COL4A2: variants seen among roughly 807,000 people sequenced by gnomAD.
The protein encoded by COL4A2 is collagen alpha-2(IV) chain.
In COL4A2, 99 loss-of-function variants were observed where a neutral mutation model predicts 200.2. The observed-to-expected ratio is 0.49, with a 90% CI of 0.42 to 0.58. The LOEUF (loss-of-function observed/expected upper bound fraction) is 0.58. COL4A2 is among the 20% of genes least tolerant of loss of function. The probability of loss-of-function intolerance (pLI) is 0.00; values close to 1 mark genes in which losing one functional copy is unlikely to be tolerated. For missense variants in COL4A2, 1,950 were observed against 2,314.1 expected, an observed-to-expected ratio of 0.84 and a Z score of 3.23; for synonymous variants, 897 against 900.6, an observed-to-expected ratio of 1.00 and a Z score of 0.07.
chr13:110,495,953 A>G lies in COL4A2; in HGVS notation c.3760+486A>G, dbSNP rs75281720. 8.2e-3 allele frequency among the ~76,000 whole-genome samples: 1,249 copies of G among 152,288 alleles called. 14 individuals are homozygous for G. The highest frequency in any genetic ancestry group is 0.027 in the African/African-American group (1,124 of 41,548). On this transcript the variant is annotated intron_variant, in intron 40 of 47. Transcript: ENST00000360467. ...GGCAGTGAGAAACATTCCTAGATAG[A>G]AACCAGGACCTTCCTGGGAGCCAGT...
chr13:110,308,217 G>A, intron 3 of COL4A2, 94 bp downstream of exon 3: 1 of 1,405,742 alleles, frequency 7.1e-7, no homozygotes, highest in South Asian at 1.2e-5. Context: ...GTGCGCTCCC[G>A]AGTGTGTGTG....
chr13:110,379,808 C>T (rs1447537455), intron 4 of COL4A2, among the ~76,000 whole-genome samples: 2 of 152,204 alleles, frequency 1.3e-5, no homozygotes, highest in Non-Finnish European at 2.9e-5. Context: ...ATGAGAGCCA[C>T]GTTAGGATGG....
intron 3 of COL4A2, among the ~76,000 whole-genome samples, chr13:110,321,223 T>TAC (rs1436072840): frequency 1.1e-3 from 157 of 143,576 alleles, no homozygotes; most frequent in Middle Eastern, 3.4e-3. Flanking sequence ...TATATATATA[T>TAC]ATACACACAC....
At chr13:110,432,932 T>C (rs549200586) in intron 11 of COL4A2, among the ~76,000 whole-genome samples, 2 of 152,370 alleles carry the variant, frequency 1.3e-5, no homozygotes, top group Admixed American at 6.5e-5. Flanking sequence ...AGGACAGAAC[T>C]AGGGTTCCTT....
intron 38 of COL4A2, 119 bp downstream of exon 38, chr13:110,492,296 C>A: frequency 2.3e-6 from 2 of 862,758 alleles, no homozygotes; most frequent in Non-Finnish European, 3.7e-6. Context: ...AGAGCAAAGG[C>A]AGGTCTGCTG....
At chr13:110,440,924 C>T (rs1164117278) in intron 16 of COL4A2, among the ~76,000 whole-genome samples, 1 of 152,218 alleles carries the variant, frequency 6.6e-6, no homozygotes, top group East Asian at 1.9e-4. Flanking sequence ...TGCCCAGTGC[C>T]CCTTAGAGAA....
intron 24 of COL4A2, 145 bp downstream of exon 24, chr13:110,462,529 T>G: frequency 5.7e-6 from 4 of 706,088 alleles, no homozygotes; most frequent in Non-Finnish European, 9.1e-6. Flanking sequence ...ATTCTATTTC[T>G]AATGAGCAGA....
intron 4 of COL4A2, among the ~76,000 whole-genome samples, chr13:110,388,731 T>C (rs1878868631): frequency 1.3e-5 from 2 of 152,190 alleles, no homozygotes; most frequent in South Asian, 2.1e-4. Flanking sequence ...AATTTAAATA[T>C]AGCTTGAGGG....
Position 110,413,360 on chromosome 13 carries a change from G to A in COL4A2, c.181-11374G>A, listed in dbSNP as rs925543930. On this transcript the variant is annotated intron_variant, in intron 4 of 47. Coordinates refer to ENST00000360467, the MANE Select transcript of COL4A2 (RefSeq NM_001846.4). ...CATGGTCCCTACCTCCAAGGGCCTC[G>A]CGGTCTCACGTGAAATGTGGGTACA... Among the ~76,000 whole-genome samples the A allele has an allele frequency of 2.6e-5, 4 of 152,154 alleles. No individual in the cohort carries two copies. In the East Asian group the frequency reaches 7.7e-4, roughly 29 times the overall value.
chr13:110,475,083 C>T (rs985639598), intron 29 of COL4A2, among the ~76,000 whole-genome samples: 2 of 152,278 alleles, frequency 1.3e-5, no homozygotes, highest in African/African-American at 4.8e-5. Flanking sequence ...CATACACACA[C>T]GTGCCTATGC....
intron 16 of COL4A2, among the ~76,000 whole-genome samples, chr13:110,440,873 G>A (rs1317001330): frequency 6.6e-6 from 1 of 152,132 alleles, no homozygotes; most frequent in South Asian, 2.1e-4. Flanking sequence ...AGCTTCACAT[G>A]CATGTAACGG....
At chr13:110,493,906 C>T (rs1883369498) in intron 39 of COL4A2, among the ~76,000 whole-genome samples, 1 of 152,114 alleles carries the variant, frequency 6.6e-6, no homozygotes, top group Non-Finnish European at 1.5e-5. Flanking sequence ...GGGCAGTAAC[C>T]CCATCTTGGG....
intron 4 of COL4A2, among the ~76,000 whole-genome samples, chr13:110,393,479 G>T (rs2139424243): frequency 6.6e-6 from 1 of 151,788 alleles, no homozygotes; most frequent in African/African-American, 2.4e-5. Flanking sequence ...TCAATTCTTT[G>T]TCTGAGTAGT....
chr13:110,485,746 C>G lies in COL4A2; in HGVS notation c.3117C>G (p.Ile1039Met), dbSNP rs888187758. 6.2e-7 allele frequency: 1 copy of G among 1,613,842 alleles called. No homozygotes were observed. The highest frequency in any genetic ancestry group is 8.5e-7 in the Non-Finnish European group (1 of 1,179,940). ...ACATCAAAGGAGTCAAGGGAGACAT[C>G]GGAGTCCCCGGCATCCCCGGTTTGC... is the stretch of plus-strand genomic sequence containing the variant. ...PGHIKGVKGD[I>M]GVPGIPGLPG... Residue 1039 changes from isoleucine (I) to methionine (M), a missense_variant, in exon 34 of 48, where the codon ATC becomes ATG. Ile to Met is a conservative substitution (Grantham distance 10). Transcript: ENST00000360467.
intron 30 of COL4A2, 87 bp from the exon 31 acceptor site, chr13:110,480,133 C>CG: frequency 8.7e-6 from 12 of 1,380,878 alleles, no homozygotes; most frequent in Non-Finnish European, 1.2e-5. Flanking sequence ...GCTTTTCTTA[C>CG]TGAACACTCA....
intron 4 of COL4A2, among the ~76,000 whole-genome samples, chr13:110,412,860 C>A (rs1396930091): frequency 6.6e-6 from 1 of 152,234 alleles, no homozygotes; most frequent in Non-Finnish European, 1.5e-5. Flanking sequence ...ACTGGCCCAG[C>A]CCTCCTTTCC....
At chr13:110,342,395 G>A (rs535230079) in intron 3 of COL4A2, among the ~76,000 whole-genome samples, 1 of 152,182 alleles carries the variant, frequency 6.6e-6, no homozygotes, top group Non-Finnish European at 1.5e-5. Context: ...TCCATAAAGA[G>A]CAATCTCCTT....
At chr13:110,449,639 C>T in intron 18 of COL4A2, 40 bp from the exon 19 acceptor site, 1 of 1,507,398 alleles carries the variant, frequency 6.6e-7, no homozygotes, top group South Asian at 1.2e-5. Context: ...ATCCGTAGAC[C>T]ACGGTCTTGT....
intron 3 of COL4A2, among the ~76,000 whole-genome samples, chr13:110,349,500 T>G (rs1177728902): frequency 6.6e-6 from 1 of 152,228 alleles, no homozygotes; most frequent in Non-Finnish European, 1.5e-5. Context: ...ACTCTTGATC[T>G]CTGCTCCAAC....
Sources: gnomAD v4.1 joint callset for allele counts (sites outside exome capture counted in the v4.1 genomes callset) on GRCh38, gnomAD v4.1.1 for gene constraint, MANE v1.5 for transcripts, NCBI Gene and HGNC (gene_info 2026-07-23, HGNC 2026-07-21) for gene names.